The following NDUFAF1 variants were observed in gnomAD, a reference collection of about 807,000 sequenced individuals.
NDUFAF1 encodes NADH:ubiquinone oxidoreductase complex assembly factor 1.
In NDUFAF1, 18 loss-of-function variants were observed where a neutral mutation model predicts 28.7. The ratio of observed to expected loss-of-function variants is 0.63; its 90% CI spans 0.43 to 0.93. The LOEUF (loss-of-function observed/expected upper bound fraction) is 0.93, where lower values mean the gene tolerates loss of function less well. NDUFAF1 is among the 40% of genes least tolerant of loss of function. The pLI, the probability that NDUFAF1 is intolerant of heterozygous loss-of-function variation, is 0.00. For missense variants in NDUFAF1, 404 were observed against 398.3 expected, an observed-to-expected ratio of 1.01 and a Z score of -0.12; for synonymous variants, 113 against 139.7, an observed-to-expected ratio of 0.81 and a Z score of 1.35.
At position 41,396,484 on chromosome 15, in the gene NDUFAF1, T is replaced by C; in HGVS notation, c.573+3A>G. 2 of 1,614,092 alleles carry C rather than the reference T, an allele frequency of 1.2e-6. No homozygotes were observed. Among genetic ancestry groups the C allele is most frequent in the Non-Finnish European group, 1.7e-6 (2 of 1,179,960 alleles). On this transcript the variant is annotated splice_donor_region_variant and intron_variant, in intron 2 of 4. Transcript: ENST00000260361. Reference sequence around the variant, plus strand: ...AAAACGATGGCTCCTGGGCCTCACCTACCCTTGGAATCCTGGATATCATTG... The same window carrying C: ...AAAACGATGGCTCCTGGGCCTCACCCACCCTTGGAATCCTGGATATCATTG...
intron 1 of NDUFAF1, among the ~76,000 whole-genome samples, chr15:41,399,163 G>A (rs2050429410): frequency 6.6e-6 from 1 of 151,980 alleles, no homozygotes; most frequent in Non-Finnish European, 1.5e-5. Context: ...CACTTCGGGA[G>A]GCCAGGGCAG....
Position 41,397,980 on chromosome 15 carries a change from G to A in NDUFAF1, c.-81-840C>T, listed in dbSNP as rs549832276. ...GAGGAGGCTGCAGTGAGCCAAGATC[G>A]TGCCACTGCACTCCAGCCTGGCAAC... On this transcript the variant is annotated intron_variant, in intron 1 of 4. Coordinates refer to ENST00000260361, the MANE Select transcript of NDUFAF1 (RefSeq NM_016013.4). Among the ~76,000 whole-genome samples, 230 of 141,120 alleles carry A rather than the reference G, an allele frequency of 1.6e-3. 1 individual carries two copies. Among genetic ancestry groups the A allele is most frequent in the African/African-American group, 5.6e-3 (209 of 37,622 alleles). 92.6% of individuals were successfully genotyped at this position (141,120 alleles called of 152,430 possible). A position where few individuals can be genotyped will look rare whatever the true frequency, so the allele number is the denominator to read the frequency against.
Position 41,387,414 on chromosome 15 carries a change from G to A in NDUFAF1, c.*30C>T, listed in dbSNP as rs2050265166. 1.2e-6 allele frequency: 2 copies of A among 1,601,440 alleles called. No homozygotes were observed. Among genetic ancestry groups the A allele is most frequent in the South Asian group, 1.1e-5 (1 of 90,812 alleles). ...ATCATTGTAGATGCTAGTACCCTTA[G>A]ATTAGTAAAACAAAACTACCATATG... On this transcript the variant is annotated 3_prime_UTR_variant, in exon 5 of 5. Coordinates refer to ENST00000260361, the MANE Select transcript of NDUFAF1 (RefSeq NM_016013.4).
At chr15:41,388,107 G>A (rs2050273781) in intron 4 of NDUFAF1, among the ~76,000 whole-genome samples, 1 of 152,020 alleles carries the variant, frequency 6.6e-6, no homozygotes, top group Non-Finnish European at 1.5e-5. Flanking sequence ...AAGACTCCAT[G>A]TCAAAAAACA....
intron 4 of NDUFAF1, 109 bp downstream of exon 4, chr15:41,388,338 CT>C: frequency 1.1e-6 from 1 of 886,572 alleles, no homozygotes; most frequent in South Asian, 1.4e-5. Context: ...AGCAGTGGCC[CT>C]GAGAAGAAAT....
chr15:41,399,620 G>C (rs149493672), intron 1 of NDUFAF1, among the ~76,000 whole-genome samples: 10,775 of 150,962 alleles, frequency 0.071, 955 homozygotes, highest in African/African-American at 0.21. Context: ...TTTGGGAGGC[G>C]GAGGCGGGCG....
chr15:41,388,463 C>T lies in NDUFAF1; in HGVS notation c.819G>A (p.Glu273=). Residue 273 remains glutamate, a synonymous_variant, in exon 4 of 5, where the codon GAG becomes GAA. Transcript: ENST00000260361. ...NRGRIRDVQH[E]LPLDKISSIG... is the part of the protein sequence containing the mutation. ...AATATGTTACCTTATCAAGCGGAAG[C>T]TCATGCTGAACATCCCGGATTCTTC... 6.2e-7 allele frequency: 1 copy of T among 1,612,028 alleles called. No individual in the cohort carries two copies. The highest frequency in any genetic ancestry group is 1.7e-4 in the Middle Eastern group (1 of 6,058).
chr15:41,392,253 T>C (rs763964281), intron 3 of NDUFAF1, among the ~76,000 whole-genome samples: 2 of 151,954 alleles, frequency 1.3e-5, no homozygotes, highest in Admixed American at 6.6e-5. Flanking sequence ...TTTGTATTTT[T>C]AGTAGACACA....
intron 3 of NDUFAF1, 116 bp from the exon 4 acceptor site, chr15:41,388,638 T>C: frequency 2.7e-6 from 2 of 727,374 alleles, no homozygotes; most frequent in Non-Finnish European, 4.9e-6. Context: ...ATATATGTAT[T>C]ATGACAAATG....
intron 1 of NDUFAF1, among the ~76,000 whole-genome samples, chr15:41,398,023 CA>C (rs1217218175): frequency 0.02 from 1,137 of 56,936 alleles, 13 homozygotes; most frequent in African/African-American, 0.073. Flanking sequence ...GACTCTGTCT[CA>C]AAAAAAAAAA....
chr15:41,402,084 T>C, intron 1 of NDUFAF1, 60 bp downstream of exon 1: 1 of 395,554 alleles, frequency 2.5e-6, no homozygotes, highest in South Asian at 1.8e-5. Context: ...CGGTGGGTTT[T>C]GACAACACAA....
upstream of NDUFAF1, among the ~76,000 whole-genome samples, chr15:41,402,799 TC>T (rs1426697532): frequency 3.4e-5 from 5 of 146,690 alleles, no homozygotes; most frequent in African/African-American, 1.3e-4. Flanking sequence ...TGGCGCGATC[TC>T]GGCTCACTAC....
At chr15:41,393,575 C>T (rs1389689998) in intron 3 of NDUFAF1, among the ~76,000 whole-genome samples, 5 of 150,064 alleles carry the variant, frequency 3.3e-5, no homozygotes, top group Non-Finnish European at 7.4e-5. Context: ...CAGGCGTAAG[C>T]CACCGCGGCC....
chr15:41,396,688 G>C lies in NDUFAF1; in HGVS notation c.372C>G (p.Val124=), dbSNP rs747682661. ...HEVLLEQAKV[V]WQFRGKEDLD... ...AATCTTCTTTCCCCCGGAATTGCCA[G>C]ACAACCTTGGCTTGTTCCAGCAAGA... Residue 124 remains valine, a synonymous_variant, in exon 2 of 5, where the codon GTC becomes GTG. Coordinates refer to ENST00000260361, the MANE Select transcript of NDUFAF1 (RefSeq NM_016013.4). 8 of 1,614,142 alleles carry C rather than the reference G, an allele frequency of 5.0e-6. No homozygotes were observed. The highest frequency in any genetic ancestry group is 5.1e-6 in the Non-Finnish European group (6 of 1,180,034).
At chr15:41,401,194 C>T (rs1232468109) in intron 1 of NDUFAF1, among the ~76,000 whole-genome samples, 1 of 151,346 alleles carries the variant, frequency 6.6e-6, no homozygotes, top group Non-Finnish European at 1.5e-5. Context: ...TCTCGAACTC[C>T]TGACCTCAGG....
chr15:41,396,521 C>G lies in NDUFAF1; in HGVS notation c.539G>C (p.Ser180Thr), dbSNP rs200601787. The change falls in exon 2 of 5, where the codon AGT (serine) becomes ACT (threonine). Residue 180 changes from serine to threonine, a missense_variant. Coordinates refer to ENST00000260361, the MANE Select transcript of NDUFAF1 (RefSeq NM_016013.4). Reference protein sequence around the residue: ...EAPQDGESTRSGYCAMISRIP... With the variant: ...EAPQDGESTRTGYCAMISRIP... ...CCTGGATATCATTGCACAGTACCCA[C>G]TTCGGGTAGACTCCCCGTCCTGAGG... The G allele has an allele frequency of 9.3e-6, 15 of 1,614,082 alleles. No homozygotes were observed. The highest frequency in any genetic ancestry group is 9.3e-6 in the Non-Finnish European group (11 of 1,180,058).
intron 3 of NDUFAF1, among the ~76,000 whole-genome samples, chr15:41,393,742 TTTTTA>T (rs1315201944): frequency 6.6e-6 from 1 of 151,390 alleles, no homozygotes; most frequent in African/African-American, 2.4e-5. Context: ...CCAACTAATT[TTTTTA>T]TTTTTAGTAG....
chr15:41,388,259 C>T (rs887918922), intron 4 of NDUFAF1, among the ~76,000 whole-genome samples, 189 bp downstream of exon 4: 6 of 152,142 alleles, frequency 3.9e-5, no homozygotes, highest in Non-Finnish European at 7.3e-5. Context: ...AATGATCCTT[C>T]TAAAATTCCT....
intron 1 of NDUFAF1, among the ~76,000 whole-genome samples, chr15:41,399,409 T>G (rs542788075): frequency 2.6e-4 from 38 of 145,748 alleles, no homozygotes; most frequent in African/African-American, 9.7e-4. Context: ...AAAAAAAAAT[T>G]AGCTGGGCAT....
Sources: gnomAD v4.1 joint callset for allele counts (sites outside exome capture counted in the v4.1 genomes callset) on GRCh38, gnomAD v4.1.1 for gene constraint, MANE v1.5 for transcripts, NCBI Gene and HGNC (gene_info 2026-07-23, HGNC 2026-07-21) for gene names.